Variants in CACNG5 observed in about 807,000 individuals in gnomAD.
CACNG5 encodes the protein voltage-dependent calcium channel gamma-5 subunit.
In CACNG5, 18 loss-of-function variants were observed where a neutral mutation model predicts 24.8. That is an observed-to-expected ratio of 0.73 (90% CI 0.50 to 1.08). The LOEUF (loss-of-function observed/expected upper bound fraction) is 1.08, where lower values mean the gene tolerates loss of function less well. Among genes scored for constraint, CACNG5 ranks in the 50% least tolerant of loss-of-function variants. CACNG5 has a pLI of 0.00. For missense variants in CACNG5, 349 were observed against 367.9 expected (o/e 0.95, Z 0.42); for synonymous variants, 157 against 149.1 (o/e 1.05, Z -0.39).
At chr17:66,859,872 C>T (rs1348808351) in intron 1 of CACNG5, among the ~76,000 whole-genome samples, 1 of 152,076 alleles carries the variant, frequency 6.6e-6, no homozygotes, top group Non-Finnish European at 1.5e-5. Flanking sequence ...TCCACCCTCT[C>T]CTTCCTCCCT....
rs1204183588 is a variant in CACNG5, at chr17:66,887,253, C to G, written c.*2013C>G. ...ATTCACCACGAATCCTTGGGCAACA[C>G]CCTTCCACTCTGAGGGGCTTGGCCT... is the stretch of plus-strand genomic sequence containing the variant. On this transcript the variant is annotated 3_prime_UTR_variant, in exon 6 of 6. Transcript: ENST00000533854. Among the ~76,000 whole-genome samples, 1 of 152,184 alleles carries G rather than the reference C, an allele frequency of 6.6e-6. No individual in the cohort carries two copies. The highest frequency in any genetic ancestry group is 1.5e-5 in the Non-Finnish European group (1 of 68,034).
At chr17:66,836,039 T>A (rs564443724) in intron 1 of CACNG5, among the ~76,000 whole-genome samples, 2 of 152,124 alleles carry the variant, frequency 1.3e-5, no homozygotes, top group Non-Finnish European at 2.9e-5. Flanking sequence ...TGAAAATGAT[T>A]TGAGAAATAA....
intron 1 of CACNG5, among the ~76,000 whole-genome samples, 168 bp downstream of exon 1, chr17:66,835,418 G>C (rs1472314232): frequency 6.6e-6 from 1 of 152,200 alleles, no homozygotes; most frequent in Non-Finnish European, 1.5e-5. Flanking sequence ...GGAAGGGGCA[G>C]TGTGGTGGGG....
At position 66,894,432 on chromosome 17, in the gene CACNG5, G is replaced by A. The variant is rs9913862; in HGVS notation, c.*9192G>A. 0.081 allele frequency among the ~76,000 whole-genome samples: 12,361 copies of A among 152,082 alleles called. 1,550 individuals are homozygous for A. Among genetic ancestry groups the A allele is most frequent in the African/African-American group, 0.27 (11,013 of 41,422 alleles). On this transcript the variant is annotated 3_prime_UTR_variant, in exon 6 of 6. Coordinates refer to ENST00000533854, the MANE Select transcript of CACNG5 (RefSeq NM_145811.3). ...ATATATTATTTTGGTTATTGCTACTGTTTCTTTAGCACCTACTATATAACA... is the reference window on the plus strand; with the variant it reads ...ATATATTATTTTGGTTATTGCTACTATTTCTTTAGCACCTACTATATAACA...
chr17:66,869,916 T>C (rs1047630959), intron 1 of CACNG5, among the ~76,000 whole-genome samples: 13 of 152,008 alleles, frequency 8.6e-5, no homozygotes, highest in Admixed American at 8.5e-4. Context: ...ACCCCGTCTC[T>C]ACTAAAAATA....
At chr17:66,883,664 G>T (rs1455617134) in intron 4 of CACNG5, among the ~76,000 whole-genome samples, 3 of 152,172 alleles carry the variant, frequency 2.0e-5, no homozygotes, top group Non-Finnish European at 4.4e-5. Flanking sequence ...CCTACCTAAA[G>T]ATCTCAGACA....
chr17:66,880,444 G>A, intron 3 of CACNG5, 113 bp from the exon 4 acceptor site: 2 of 1,317,538 alleles, frequency 1.5e-6, no homozygotes, highest in South Asian at 1.4e-5. Flanking sequence ...CCCCTGCAGG[G>A]GTGGGGCTTT....
At chr17:66,841,809 G>T (rs543532899) in intron 1 of CACNG5, among the ~76,000 whole-genome samples, 1 of 152,218 alleles carries the variant, frequency 6.6e-6, no homozygotes, top group East Asian at 1.9e-4. Context: ...TTTCTGGAAC[G>T]TCTGCTCTGT....
intron 4 of CACNG5, among the ~76,000 whole-genome samples, chr17:66,883,143 C>G (rs780195190): frequency 1.3e-5 from 2 of 152,230 alleles, no homozygotes; most frequent in Non-Finnish European, 2.9e-5. Flanking sequence ...GGAATGTTAT[C>G]AGCCCAGCTT....
chr17:66,863,428 A>G (rs1167582100), intron 1 of CACNG5, among the ~76,000 whole-genome samples: 1 of 151,844 alleles, frequency 6.6e-6, no homozygotes, highest in Non-Finnish European at 1.5e-5. Context: ...GTGCAGTGGT[A>G]CCATCTTGGC....
intron 1 of CACNG5, among the ~76,000 whole-genome samples, chr17:66,857,635 C>T (rs766723579): frequency 1.1e-4 from 16 of 152,198 alleles, no homozygotes; most frequent in Non-Finnish European, 2.1e-4. Flanking sequence ...GGACTTACCA[C>T]GTTTCCAGTG....
Position 66,890,393 on chromosome 17 carries a change from C to A in CACNG5, c.*5153C>A, listed in dbSNP as rs182042413. ...TGAGTGAATAGGAACTGGGCAGGTG[C>A]CCCTCTAGCATCCACGTCTCCCAGG... On this transcript the variant is annotated 3_prime_UTR_variant, in exon 6 of 6. Coordinates refer to ENST00000533854, the MANE Select transcript of CACNG5 (RefSeq NM_145811.3). Among the ~76,000 whole-genome samples the A allele has an allele frequency of 1.3e-4, 20 of 152,344 alleles. No homozygotes were observed. The highest frequency in any genetic ancestry group is 2.6e-4 in the Non-Finnish European group (18 of 68,034).
chr17:66,850,860 T>C (rs1976703423), intron 1 of CACNG5, among the ~76,000 whole-genome samples: 1 of 152,252 alleles, frequency 6.6e-6, no homozygotes, highest in East Asian at 1.9e-4. Flanking sequence ...AAATACATCA[T>C]TGACTTATAA....
chr17:66,839,223 G>A (rs887931382), intron 1 of CACNG5, among the ~76,000 whole-genome samples: 4 of 151,944 alleles, frequency 2.6e-5, no homozygotes, highest in Admixed American at 6.6e-5. Flanking sequence ...GCTTCCCAAA[G>A]TGCTGGGATT....
Position 66,890,306 on chromosome 17 carries a change from G to A in CACNG5, c.*5066G>A, listed in dbSNP as rs117008035. ...CACTACAGGGGGTGGAGGGTGGTAC[G>A]CTGGAGCCAGTCAGAGCCCTCACCA... On this transcript the variant is annotated 3_prime_UTR_variant, in exon 6 of 6. Coordinates refer to ENST00000533854, the MANE Select transcript of CACNG5 (RefSeq NM_145811.3). Among the ~76,000 whole-genome samples the A allele has an allele frequency of 2.6e-5, 4 of 152,288 alleles. No individual in the cohort carries two copies. The highest frequency in any genetic ancestry group is 1.9e-4 in the East Asian group (1 of 5,182).
rs1406990332 is a variant in CACNG5 at position 66,890,004 on chromosome 17, G to A, written c.*4764G>A. Among the ~76,000 whole-genome samples, 1 of 152,198 alleles carries A rather than the reference G, an allele frequency of 6.6e-6. No individual in the cohort carries two copies. Among genetic ancestry groups the A allele is most frequent in the Non-Finnish European group, 1.5e-5 (1 of 68,036 alleles). On this transcript the variant is annotated 3_prime_UTR_variant, in exon 6 of 6. Transcript: ENST00000533854. ...GGCTCTGTTCCTTCACCAGCTGCCTGGATTTTGGGTATGAGGGCCAATTGG... is the reference window on the plus strand; with the variant it reads ...GGCTCTGTTCCTTCACCAGCTGCCTAGATTTTGGGTATGAGGGCCAATTGG...
In CACNG5 at chr17:66,869,135, G is replaced by A. The variant is rs535127532; in HGVS notation, c.-103-8095G>A. Among the ~76,000 whole-genome samples, 3 of 152,182 alleles carry A rather than the reference G, an allele frequency of 2.0e-5. No individual in the cohort carries two copies. In the South Asian group the frequency reaches 6.3e-4, roughly 32 times the overall value. The stretch of plus-strand genomic sequence containing the variant: ...GTCTCGCTCTGTCATCCAGGTTGGA[G>A]TACAATGGTGCAATCTTGGCTCACT... On this transcript the variant is annotated intron_variant, in intron 1 of 5. Transcript: ENST00000533854.
Position 66,889,246 on chromosome 17 carries a change from C to T in CACNG5, c.*4006C>T, listed in dbSNP as rs1320413247. Among the ~76,000 whole-genome samples, 1 of 152,226 alleles carries T rather than the reference C, an allele frequency of 6.6e-6. No homozygotes were observed. Among genetic ancestry groups the T allele is most frequent in the Admixed American group, 6.5e-5 (1 of 15,284 alleles). On this transcript the variant is annotated 3_prime_UTR_variant, in exon 6 of 6. Transcript: ENST00000533854. ...AAAGTGCTGGGATTACAGGCATGAG[C>T]CACTGTGCCCATCCTCTACCCTCTT...
chr17:66,858,724 G>A (rs185898910), intron 1 of CACNG5, among the ~76,000 whole-genome samples: 4 of 102,756 alleles, frequency 3.9e-5, no homozygotes, highest in Non-Finnish European at 7.4e-5. Context: ...GGGGCCCCCT[G>A]AAGAGTGAAA....
Sources: gnomAD v4.1 joint callset for allele counts (sites outside exome capture counted in the v4.1 genomes callset) on GRCh38, gnomAD v4.1.1 for gene constraint, MANE v1.5 for transcripts, NCBI Gene and HGNC (gene_info 2026-07-23, HGNC 2026-07-21) for gene names.